The following KMT2A variants were observed in gnomAD, a reference collection of about 807,000 sequenced individuals.
KMT2A encodes lysine methyltransferase 2A, also known as histone-lysine N-methyltransferase 2A.
A neutral mutation model predicts 345.3 loss-of-function variants in KMT2A; 16 were observed. The ratio of observed to expected loss-of-function variants is 0.05; its 90% CI spans 0.03 to 0.07. The LOEUF (loss-of-function observed/expected upper bound fraction) is 0.07, where lower values mean the gene tolerates loss of function less well. KMT2A is among the 10% of genes least tolerant of loss of function. The probability of loss-of-function intolerance (pLI) is 1.00; values close to 1 mark genes in which losing one functional copy is unlikely to be tolerated. For missense variants in KMT2A, 3,272 were observed against 4,841.6 expected (o/e 0.68, Z 9.62); for synonymous variants, 1,599 against 1,778.6 (o/e 0.90, Z 2.54).
At chr11:118,517,395 C>CAAAAAA (rs11436622) in intron 31 of KMT2A, among the ~76,000 whole-genome samples, 13 of 113,342 alleles carry the variant, frequency 1.1e-4, no homozygotes, top group Admixed American at 2.8e-4. Flanking sequence ...GACTCTGTCT[C>CAAAAAA]AAAAAAAAAA....
Position 118,519,975 on chromosome 11 carries a change from G to A in KMT2A, c.11340G>A (p.Met3780Ile). Residue 3780 changes from methionine to isoleucine, a missense_variant, in exon 33 of 36, where the codon ATG becomes ATA. Around this residue, in one of 27 missense-constraint regions of KMT2A, gnomAD observed 72 missense variants for 135.6 expected, o/e 0.53. Coordinates refer to ENST00000534358, the MANE Select transcript of KMT2A (RefSeq NM_001197104.2). ...GCCCCAGGAAGTCAGCATTTGACAT[G>A]TTTAACTTCCTGGCTTCTAAACATC... ...EVHLRKSAFDMFNFLASKHRQ... is the reference protein window; with the variant it reads ...EVHLRKSAFDIFNFLASKHRQ... 1.2e-6 allele frequency: 2 copies of A among 1,613,822 alleles called. No individual in the cohort carries two copies. The highest frequency in any genetic ancestry group is 1.1e-5 in the South Asian group (1 of 91,068).
chr11:118,503,257 G>A lies in KMT2A; in HGVS notation c.7365G>A (p.Val2455=). 6.2e-7 allele frequency: 1 copy of A among 1,614,176 alleles called. No individual in the cohort carries two copies. The highest frequency in any genetic ancestry group is 8.5e-7 in the Non-Finnish European group (1 of 1,180,044). ...AATCTTTTTTGGAACCTGGTCAGGTGACAACTGGTGAGGAAGGAAACTTGA... is the reference window on the plus strand; with the variant it reads ...AATCTTTTTTGGAACCTGGTCAGGTAACAACTGGTGAGGAAGGAAACTTGA... ...SSKSFLEPGQ[V]TTGEEGNLKP... is the part of the protein sequence containing the mutation. The change falls in exon 27 of 36, where the codon GTG becomes GTA. Residue 2455 remains valine, a synonymous_variant. Transcript: ENST00000534358. The surrounding 1 kb of genome is among the most constrained non-coding windows in gnomAD (Gnocchi z 5.3).
In KMT2A at chr11:118,498,070, G is replaced by A. The variant is rs1565298611; in HGVS notation, c.5799G>A (p.Gln1933=). 6.2e-7 allele frequency: 1 copy of A among 1,613,896 alleles called. No individual in the cohort carries two copies. Among genetic ancestry groups the A allele is most frequent in the South Asian group, 1.1e-5 (1 of 90,996 alleles). The change falls in exon 21 of 36, where the codon CAG becomes CAA. Residue 1933 remains glutamine, a synonymous_variant. Coordinates refer to ENST00000534358, the MANE Select transcript of KMT2A (RefSeq NM_001197104.2). The surrounding 1 kb of genome is among the most constrained non-coding windows in gnomAD (Gnocchi z 4.4). ...ATATGGCTGTGATCAGGGGCAAGCA[G>A]CTGGTAAGACCTTATGGGTAAATTT... is the stretch of plus-strand genomic sequence containing the variant. ...NVHMAVIRGK[Q]LRCEFCQKPG...
In KMT2A at chr11:118,436,748, C is replaced by A; in HGVS notation, c.236C>A (p.Ala79Asp). ...SSGAGVPGGA[A>D]AASAASSSSA... Reference sequence around the variant, plus strand: ...GGGGCTGGGGTTCCAGGGGGAGCGGCCGCCGCCTCAGCAGCCTCCTCGTCG... The same window carrying A: ...GGGGCTGGGGTTCCAGGGGGAGCGGACGCCGCCTCAGCAGCCTCCTCGTCG... Residue 79 changes from alanine to aspartate, a missense_variant, in exon 1 of 36, where the codon GCC becomes GAC. Around this residue, in one of 27 missense-constraint regions of KMT2A, gnomAD observed 412 missense variants for 511.0 expected, o/e 0.81. Transcript: ENST00000534358. This position sits in a 1 kb window ranked among gnomAD's most constrained non-coding sequence, Gnocchi z 6.9. 2 of 1,589,164 alleles carry A rather than the reference C, an allele frequency of 1.3e-6. No homozygotes were observed. The highest frequency in any genetic ancestry group is 1.7e-6 in the Non-Finnish European group (2 of 1,168,678).
chr11:118,523,802 C>A lies in KMT2A; in HGVS notation c.*1630C>A, dbSNP rs1337295466. 4.7e-6 allele frequency: 1 copy of A among 213,056 alleles called. No individual in the cohort carries two copies. The highest frequency in any genetic ancestry group is 2.3e-5 in the African/African-American group (1 of 44,202). The allele number at this position is 213,056 out of a possible 1,614,324, so 13.2% of individuals were successfully genotyped here. On this transcript the variant is annotated 3_prime_UTR_variant, in exon 36 of 36. Transcript: ENST00000534358. ...GTACTTTTTGTTGTTTAATGTGTAG[C>A]TTGTTTGTGCCCTGTTGACATAAAT... is the stretch of plus-strand genomic sequence containing the variant.
intron 1 of KMT2A, among the ~76,000 whole-genome samples, chr11:118,460,233 A>G (rs1313293017): frequency 6.6e-6 from 1 of 152,194 alleles, no homozygotes; most frequent in Non-Finnish European, 1.5e-5. Flanking sequence ...CCTTTGGAAG[A>G]ATTTTGAAAT....
chr11:118,481,466 G>A (rs1950131153), intron 6 of KMT2A, among the ~76,000 whole-genome samples: 2 of 152,010 alleles, frequency 1.3e-5, no homozygotes, highest in South Asian at 4.1e-4. Context: ...ACTCCATTGT[G>A]GATATGTACC....
chr11:118,497,405 T>C lies in KMT2A; in HGVS notation c.5665-531T>C, dbSNP rs1240134183. ...TACCACCTATTGCTCTTTTTGTTTG[T>C]TTCCTTTTGAGACCAGGTCTTGCTC... On this transcript the variant is annotated intron_variant, in intron 20 of 35. Coordinates refer to ENST00000534358, the MANE Select transcript of KMT2A (RefSeq NM_001197104.2). This position sits in a 1 kb window ranked among gnomAD's most constrained non-coding sequence, Gnocchi z 4.8. 3.3e-5 allele frequency among the ~76,000 whole-genome samples: 5 copies of C among 152,202 alleles called. No individual in the cohort carries two copies. Among genetic ancestry groups the C allele is most frequent in the Admixed American group, 1.3e-4 (2 of 15,280 alleles).
chr11:118,474,486 A>G (rs1227296449), intron 3 of KMT2A, among the ~76,000 whole-genome samples, 171 bp downstream of exon 3: 1 of 152,218 alleles, frequency 6.6e-6, no homozygotes, highest in Admixed American at 6.5e-5. Context: ...TTTGATAGGT[A>G]GAAAGTGGCA....
At position 118,505,410 on chromosome 11, in the gene KMT2A, AAAG is replaced by A. The variant is rs782393030; in HGVS notation, c.9519_9521del (p.Gln3173_Ser3174delinsHis). On this transcript the variant is annotated inframe_deletion, in exon 27 of 36. Coordinates refer to ENST00000534358, the MANE Select transcript of KMT2A (RefSeq NM_001197104.2). This position sits in a 1 kb window ranked among gnomAD's most constrained non-coding sequence, Gnocchi z 4.6. The stretch of plus-strand genomic sequence containing the variant: ...TTACATTCCTTCCCTGCAGCTACTC[AAAG>A]TAGTTTCCCACCAAACATCAGCAAT... 1 of 1,614,004 alleles carries A rather than the reference AAAG, an allele frequency of 6.2e-7. No individual in the cohort carries two copies. Among genetic ancestry groups the A allele is most frequent in the African/African-American group, 1.3e-5 (1 of 74,892 alleles).
chr11:118,443,064 A>G (rs965912375), intron 1 of KMT2A, among the ~76,000 whole-genome samples: 1 of 152,210 alleles, frequency 6.6e-6, no homozygotes, highest in African/African-American at 2.4e-5. Flanking sequence ...TATGGCATGC[A>G]TTAAATAAAG....
At position 118,471,839 on chromosome 11, in the gene KMT2A, C is replaced by A. The variant is rs1385508131; in HGVS notation, c.680C>A (p.Thr227Asn). 1.4e-5 allele frequency: 23 copies of A among 1,612,254 alleles called. No individual in the cohort carries two copies. The highest frequency in any genetic ancestry group is 1.9e-5 in the Non-Finnish European group (22 of 1,179,462). The change falls in exon 3 of 36, where the codon ACC (threonine) becomes AAC (asparagine). Residue 227 changes from threonine to asparagine, a missense_variant. By Grantham distance (65) the Thr-to-Asn change is moderately conservative. This residue lies in a region of KMT2A where 412 missense variants were observed against 511.0 expected (regional missense o/e 0.81). Coordinates refer to ENST00000534358, the MANE Select transcript of KMT2A (RefSeq NM_001197104.2). The stretch of plus-strand genomic sequence containing the variant: ...GAAAAGAAGAGAGGAAGACCTCCCA[C>A]CTTCCCTGGAGTAAAAATCAAAATA... ...SIEKKRGRPP[T>N]FPGVKIKITH...
In KMT2A at chr11:118,472,683, A is replaced by G; in HGVS notation, c.1524A>G (p.Glu508=). 1 of 1,613,308 alleles carries G rather than the reference A, an allele frequency of 6.2e-7. No individual in the cohort carries two copies. The highest frequency in any genetic ancestry group is 2.2e-5 in the East Asian group (1 of 44,858). Reference sequence around the variant, plus strand: ...CTGAGGAGCGGAGCGATACCCCTGAAGTTCATCCTCCACTGCCCATTTCCC... The same window carrying G: ...CTGAGGAGCGGAGCGATACCCCTGAGGTTCATCCTCCACTGCCCATTTCCC... The part of the protein sequence containing the change: ...VLPEERSDTP[E]VHPPLPISQS... The change falls in exon 3 of 36, where the codon GAA becomes GAG. Residue 508 remains glutamate (E), a synonymous_variant. Coordinates refer to ENST00000534358, the MANE Select transcript of KMT2A (RefSeq NM_001197104.2).
intron 1 of KMT2A, chr11:118,449,197 A>G (rs1252674876): frequency 2.6e-5 from 4 of 152,062 alleles, no homozygotes; most frequent in African/African-American, 9.7e-5. Context: ...CTGGTTTTAC[A>G]AAATATTAAG....
chr11:118,480,080 A>G, intron 5 of KMT2A, 94 bp from the exon 6 acceptor site: 1 of 949,678 alleles, frequency 1.1e-6, no homozygotes, highest in South Asian at 1.4e-5. Context: ...ACCTGAATAC[A>G]GATTCACTGA....
In KMT2A at chr11:118,477,498, C is replaced by CTTTTTTTTTTTTTTTTTTTTTTTTTTT. The variant is rs11430367; in HGVS notation, c.3335-468_3335-442dup. ...CTTTCATCAAGATGCAAGTTATTGG[C>CTTTTTTTTTTTTTTTTTTTTTTTTTTT]TTTTTTTTTTTTTTTTTTTTTTTTT... On this transcript the variant is annotated intron_variant, in intron 4 of 35. Coordinates refer to ENST00000534358, the MANE Select transcript of KMT2A (RefSeq NM_001197104.2). 1.6e-4 allele frequency among the ~76,000 whole-genome samples: 9 copies of CTTTTTTTTTTTTTTTTTTTTTTTTTTT among 56,944 alleles called. 3 individuals are homozygous for CTTTTTTTTTTTTTTTTTTTTTTTTTTT. The highest frequency in any genetic ancestry group is 4.6e-4 in the African/African-American group (6 of 12,984). The allele number at this position is 56,944 out of a possible 152,430, so 37.4% of individuals were successfully genotyped here.
rs372553474 is a variant in KMT2A, at chr11:118,520,756, A to G, written c.11430-46A>G. 2.0e-5 allele frequency: 28 copies of G among 1,416,628 alleles called. No individual in the cohort carries two copies. The highest frequency in any genetic ancestry group is 2.1e-5 in the Non-Finnish European group (21 of 1,000,160). 87.8% of individuals were successfully genotyped at this position (1,416,628 alleles called of 1,614,324 possible). A position where few individuals can be genotyped will look rare whatever the true frequency, so the allele number is the denominator to read the frequency against. On this transcript the variant is annotated intron_variant, in intron 33 of 35. Transcript: ENST00000534358. The surrounding 1 kb of genome is among the most constrained non-coding windows in gnomAD (Gnocchi z 4.3). ...GAACCTTCGATTCAAGACTCAAAAC[A>G]TTATTTCCTGAAAAAAATTCGTTAA... is the stretch of plus-strand genomic sequence containing the variant.
In KMT2A at chr11:118,484,075, T is replaced by C; in HGVS notation, c.4087-108T>C. 1 of 1,098,042 alleles carries C rather than the reference T, an allele frequency of 9.1e-7. No individual in the cohort carries two copies. Among genetic ancestry groups the C allele is most frequent in the Non-Finnish European group, 1.3e-6 (1 of 762,462 alleles). 68.0% of individuals were successfully genotyped at this position (1,098,042 alleles called of 1,614,324 possible). A position where few individuals can be genotyped will look rare whatever the true frequency, so the allele number is the denominator to read the frequency against. On this transcript the variant is annotated intron_variant, in intron 8 of 35. Transcript: ENST00000534358. This position sits in a 1 kb window ranked among gnomAD's most constrained non-coding sequence, Gnocchi z 4.1. ...AGATTATTTGTTTATGTTGGAAACA[T>C]GTTTTTTAGATCTATTAATAAAATT...
At position 118,521,348 on chromosome 11, in the gene KMT2A, G is replaced by A. The variant is rs2135293949; in HGVS notation, c.11574G>A (p.Val3858=). The A allele has an allele frequency of 6.2e-7, 1 of 1,614,148 alleles. No homozygotes were observed. Among genetic ancestry groups the A allele is most frequent in the African/African-American group, 1.3e-5 (1 of 75,034 alleles). The change falls in exon 35 of 36, where the codon GTG becomes GTA. Residue 3858 remains valine, a synonymous_variant. Coordinates refer to ENST00000534358, the MANE Select transcript of KMT2A (RefSeq NM_001197104.2). The surrounding 1 kb of genome is among the most constrained non-coding windows in gnomAD (Gnocchi z 5.3). The stretch of plus-strand genomic sequence containing the variant: ...GAAACATTGATGCAGGTGAGATGGT[G>A]ATTGAGTATGCCGGCAACGTCATCC... ...CKRNIDAGEM[V]IEYAGNVIRS...
Sources: gnomAD v4.1 joint callset for allele counts (sites outside exome capture counted in the v4.1 genomes callset) on GRCh38, gnomAD v4.1.1 for gene constraint, gnomAD v4.1.1 regional missense constraint, Gnocchi (gnomAD v3.1) non-coding constraint, MANE v1.5 for transcripts, NCBI Gene and HGNC (gene_info 2026-07-23, HGNC 2026-07-21) for gene names.